Variants in ANTXR2 observed in about 807,000 individuals in gnomAD.
ANTXR2 encodes ANTXR cell adhesion molecule 2.
In ANTXR2, 44 loss-of-function variants were observed where a neutral mutation model predicts 73.7. That is an observed-to-expected ratio of 0.60 (90% CI 0.47 to 0.77). The LOEUF (loss-of-function observed/expected upper bound fraction) is 0.77. Among genes scored for constraint, ANTXR2 ranks in the 30% least tolerant of loss-of-function variants. ANTXR2 has a pLI of 0.00. For missense variants in ANTXR2, 604 were observed against 592.5 expected (o/e 1.02, Z -0.20); for synonymous variants, 217 against 205.9 (o/e 1.05, Z -0.46).
intron 11 of ANTXR2, among the ~76,000 whole-genome samples, chr4:80,014,651 T>A (rs1458256392): frequency 6.6e-6 from 1 of 152,160 alleles, no homozygotes; most frequent in Non-Finnish European, 1.5e-5. Context: ...AAATCTCCTT[T>A]AACTCTCAGC....
chr4:80,059,723 G>T (rs903572610), intron 3 of ANTXR2, among the ~76,000 whole-genome samples: 7 of 151,878 alleles, frequency 4.6e-5, no homozygotes, highest in Non-Finnish European at 7.4e-5. Flanking sequence ...TAATTTCTTT[G>T]CTGAGAAGGG....
intron 3 of ANTXR2, among the ~76,000 whole-genome samples, chr4:80,059,662 C>T (rs1390511613): frequency 6.6e-6 from 1 of 152,050 alleles, no homozygotes; most frequent in Non-Finnish European, 1.5e-5. Flanking sequence ...CCAGGCTTGG[C>T]TAATTTTTTA....
At chr4:80,035,893 C>T in intron 8 of ANTXR2, 79 bp downstream of exon 8, 1 of 1,206,648 alleles carries the variant, frequency 8.3e-7, no homozygotes, top group Non-Finnish European at 1.2e-6. Context: ...CTTTTTCCAA[C>T]ATGAGTTTCA....
intron 8 of ANTXR2, among the ~76,000 whole-genome samples, chr4:80,035,203 C>T (rs1732898478): frequency 6.6e-6 from 1 of 152,022 alleles, no homozygotes; most frequent in Non-Finnish European, 1.5e-5. Flanking sequence ...TTAACCTTCA[C>T]TGTTAGGGAA....
chr4:79,975,023 A>G (rs1277883166), intron 16 of ANTXR2, among the ~76,000 whole-genome samples: 2 of 152,202 alleles, frequency 1.3e-5, no homozygotes, highest in Non-Finnish European at 2.9e-5. Flanking sequence ...AAACATACCA[A>G]TTATCTAAAC....
intron 3 of ANTXR2, among the ~76,000 whole-genome samples, chr4:80,057,976 T>C (rs921254389): frequency 5.9e-5 from 9 of 152,092 alleles, no homozygotes; most frequent in Non-Finnish European, 1.5e-5. Flanking sequence ...TATTTACGTT[T>C]GATAGCTACA....
At chr4:79,928,707 C>T (rs1032252215) in intron 16 of ANTXR2, among the ~76,000 whole-genome samples, 1 of 152,062 alleles carries the variant, frequency 6.6e-6, no homozygotes, top group East Asian at 1.9e-4. Flanking sequence ...TTACTAAATT[C>T]TTTTAAAAGT....
At chr4:80,067,504 A>G (rs11099009) in intron 3 of ANTXR2, among the ~76,000 whole-genome samples, 14,985 of 152,254 alleles carry the variant, frequency 0.098, 927 homozygotes, top group East Asian at 0.22. Context: ...TATATATAGG[A>G]ATGCCATAAA....
chr4:79,921,478 C>T (rs1286123423), intron 16 of ANTXR2, among the ~76,000 whole-genome samples: 1 of 151,976 alleles, frequency 6.6e-6, no homozygotes, highest in Non-Finnish European at 1.5e-5. Context: ...TAAAAATGTC[C>T]ATAGCTCTTT....
intron 16 of ANTXR2, among the ~76,000 whole-genome samples, chr4:79,927,294 CCACACA>C (rs112013307): frequency 6.7e-6 from 1 of 150,214 alleles, no homozygotes; most frequent in African/African-American, 2.5e-5. Context: ...GGAGCTCTTA[CCACACA>C]CACACACACA....
Position 79,983,904 on chromosome 4 carries a change from C to T in ANTXR2, c.1153G>A (p.Gly385Arg). ...TCCATTCTTTTAATTCCTCCAACCC[C>T]TCGACCACCATAATAGGAAGCATCC... The part of the protein sequence containing the change: ...TVDASYYGGR[G>R]VGGIKRMEVR... The change falls in exon 14 of 17, where the codon GGG becomes AGG. Residue 385 changes from glycine (G) to arginine (R), a missense_variant. Physicochemically the swap from Gly to Arg is moderately radical, Grantham distance 125. Coordinates refer to ENST00000403729, the MANE Select transcript of ANTXR2 (RefSeq NM_058172.6). 1 of 1,611,752 alleles carries T rather than the reference C, an allele frequency of 6.2e-7. No individual in the cohort carries two copies. The highest frequency in any genetic ancestry group is 1.1e-5 in the South Asian group (1 of 90,702).
chr4:79,984,776 G>GA (rs375599010), intron 13 of ANTXR2, 43 bp downstream of exon 13: 37,746 of 1,152,266 alleles, frequency 0.033, 27 homozygotes, highest in Non-Finnish European at 0.036. Context: ...TCTGCATTTG[G>GA]AAAAAAAAAA....
chr4:80,019,577 G>C (rs1026071179), intron 10 of ANTXR2, among the ~76,000 whole-genome samples: 2 of 152,104 alleles, frequency 1.3e-5, no homozygotes, highest in Non-Finnish European at 2.9e-5. Flanking sequence ...AACCTACAAA[G>C]AAAGAAAAGC....
At chr4:80,054,788 C>G (rs1733917993) in intron 6 of ANTXR2, among the ~76,000 whole-genome samples, 1 of 151,316 alleles carries the variant, frequency 6.6e-6, no homozygotes, top group Non-Finnish European at 1.5e-5. Context: ...TCATTAGAGT[C>G]AAATTCTAAA....
intron 12 of ANTXR2, among the ~76,000 whole-genome samples, chr4:79,985,986 C>T (rs569160420): frequency 7.2e-5 from 11 of 152,058 alleles, no homozygotes; most frequent in African/African-American, 1.2e-4. Flanking sequence ...GGATTACAGG[C>T]GCCCGCCACC....
At chr4:80,021,172 A>AT (rs1275551403) in intron 10 of ANTXR2, among the ~76,000 whole-genome samples, 1 of 149,696 alleles carries the variant, frequency 6.7e-6, no homozygotes, top group Non-Finnish European at 1.5e-5. Context: ...AAAAAAAAAA[A>AT]GATGGTTTAG....
intron 3 of ANTXR2, among the ~76,000 whole-genome samples, chr4:80,069,162 G>A (rs1258686052): frequency 6.6e-6 from 1 of 152,016 alleles, no homozygotes; most frequent in East Asian, 1.9e-4. Context: ...TACAGTAACA[G>A]AGAGGCCGGG....
In ANTXR2 at chr4:80,069,458, T is replaced by C; in HGVS notation, c.274A>G (p.Ile92Val). 1 of 1,604,996 alleles carries C rather than the reference T, an allele frequency of 6.2e-7. No individual in the cohort carries two copies. Among genetic ancestry groups the C allele is most frequent in the Non-Finnish European group, 8.5e-7 (1 of 1,174,314 alleles). Residue 92 changes from isoleucine to valine, a missense_variant, in exon 3 of 17, where the codon ATT becomes GTT. Physicochemically the swap from Ile to Val is conservative, Grantham distance 29. Coordinates refer to ENST00000403729, the MANE Select transcript of ANTXR2 (RefSeq NM_058172.6). ...FIVFSSQATI[I>V]LPLTGDRGKI... ...AACCTGTCTCCAGTTAATGGCAAAA[T>C]AATAGTTGCTTGAGAAGAAAACACA...
At chr4:79,927,143 A>T (rs1727847274) in intron 16 of ANTXR2, among the ~76,000 whole-genome samples, 1 of 151,788 alleles carries the variant, frequency 6.6e-6, no homozygotes, top group Non-Finnish European at 1.5e-5. Context: ...AATCTAAAGG[A>T]CACTGTGGCA....
Sources: allele counts gnomAD v4.1 joint callset (sites outside exome capture counted in the v4.1 genomes callset), GRCh38; gene constraint gnomAD v4.1.1; transcripts MANE v1.5; gene names NCBI Gene and HGNC (gene_info 2026-07-23, HGNC 2026-07-21).